The following PTPN21 variants were observed in gnomAD, a reference collection of about 807,000 sequenced individuals.
PTPN21 encodes the protein tyrosine-protein phosphatase non-receptor type 21.
A neutral mutation model predicts 131.8 loss-of-function variants in PTPN21; 77 were observed. The ratio of observed to expected loss-of-function variants is 0.58; its 90% CI spans 0.49 to 0.71. The LOEUF is 0.71. PTPN21 is among the 30% of genes least tolerant of loss of function. The pLI, the probability that PTPN21 is intolerant of heterozygous loss-of-function variation, is 0.00. For missense variants in PTPN21, 1,552 were observed against 1,527.1 expected, an observed-to-expected ratio of 1.02 and a Z score of -0.27; for synonymous variants, 715 against 621.3, an observed-to-expected ratio of 1.15 and a Z score of -2.24.
intron 2 of PTPN21, among the ~76,000 whole-genome samples, chr14:88,538,066 A>AT (rs2078654991): frequency 6.6e-6 from 1 of 152,230 alleles, no homozygotes; most frequent in Non-Finnish European, 1.5e-5. Flanking sequence ...ACCAACAAGA[A>AT]TGACAGGGAT....
At chr14:88,529,321 C>T (rs575478617) in intron 2 of PTPN21, among the ~76,000 whole-genome samples, 7 of 152,146 alleles carry the variant, frequency 4.6e-5, no homozygotes, top group Non-Finnish European at 1.0e-4. Context: ...ATGAAACCTA[C>T]TTGATCATGG....
chr14:88,547,297 GA>G (rs11299114), intron 2 of PTPN21, among the ~76,000 whole-genome samples: 136,326 of 139,492 alleles, frequency 0.98, 66,645 homozygotes, highest in South Asian at 1. Flanking sequence ...ACCATAATAG[GA>G]AAAAAAAAAA....
chr14:88,516,136 T>C (rs1649272578), intron 3 of PTPN21, among the ~76,000 whole-genome samples: 1 of 152,160 alleles, frequency 6.6e-6, no homozygotes, highest in Admixed American at 6.6e-5. Flanking sequence ...AGGAAAAAGA[T>C]ACACGGACAA....
At position 88,466,172 on chromosome 14, in the gene PTPN21, T is replaced by C. The variant is rs533840306; in HGVS notation, c.*1965A>G. On this transcript the variant is annotated 3_prime_UTR_variant, in exon 19 of 19. Transcript: ENST00000556564. ...TCTAAGGAGCTCGTTCTGAATATTT[T>C]CACTTAGTTCTACTGTTCTTTAAAC... 3.0e-4 allele frequency: 46 copies of C among 152,296 alleles called. No individual in the cohort carries two copies. The highest frequency in any genetic ancestry group is 1.1e-3 in the African/African-American group (46 of 41,558). The allele number at this position is 152,296 out of a possible 1,614,324, so 9.4% of individuals were successfully genotyped here.
chr14:88,487,789 T>C (rs1248087589), intron 10 of PTPN21, among the ~76,000 whole-genome samples: 1 of 151,944 alleles, frequency 6.6e-6, no homozygotes, highest in East Asian at 1.9e-4. Context: ...TGCACATTAA[T>C]ATATTCCTTA....
rs538080721 is a variant in PTPN21, at chr14:88,519,882, C to A, written c.181-2621G>T. On this transcript the variant is annotated intron_variant, in intron 2 of 18. Coordinates refer to ENST00000556564, the MANE Select transcript of PTPN21 (RefSeq NM_007039.4). ...TTGTATTCCAAGAGCTGTAGAGATA[C>A]CATAGATTAAATCACCATCACTAAT... Among the ~76,000 whole-genome samples, 11 of 152,246 alleles carry A rather than the reference C, an allele frequency of 7.2e-5. No homozygotes were observed. In the South Asian group the frequency reaches 2.1e-3, roughly 29 times the overall value.
chr14:88,484,312 C>T lies in PTPN21; in HGVS notation c.1078+764G>A, dbSNP rs148278998. 2.9e-3 allele frequency among the ~76,000 whole-genome samples: 439 copies of T among 151,796 alleles called. 1 individual carries two copies. The highest frequency in any genetic ancestry group is 6.8e-3 in the Middle Eastern group (2 of 294). ...TGGAAATACTCATCTGCATAAACCT[C>T]CTTAGCATTTGGTATAGCCCCATAC... is the stretch of plus-strand genomic sequence containing the variant. On this transcript the variant is annotated intron_variant, in intron 12 of 18. Transcript: ENST00000556564.
chr14:88,504,080 G>A lies in PTPN21; in HGVS notation c.587+345C>T, dbSNP rs187939422. On this transcript the variant is annotated intron_variant, in intron 6 of 18. Transcript: ENST00000556564. ...AGAAAACAAATCATCCTAATTTTAC[G>A]TTAACCTATACAGGTTTGTTTGAGG... Among the ~76,000 whole-genome samples the A allele has an allele frequency of 1.1e-3, 161 of 152,222 alleles. 1 individual carries two copies. In the East Asian group the frequency reaches 0.023, roughly 22 times the overall value.
At chr14:88,505,584 A>G (rs973518796) in intron 4 of PTPN21, among the ~76,000 whole-genome samples, 1 of 151,864 alleles carries the variant, frequency 6.6e-6, no homozygotes, top group Non-Finnish European at 1.5e-5. Flanking sequence ...CCTATGAATT[A>G]AATAAAAAAA....
intron 2 of PTPN21, among the ~76,000 whole-genome samples, chr14:88,542,816 G>C (rs1048761147): frequency 6.6e-6 from 1 of 152,144 alleles, no homozygotes. Flanking sequence ...ATCTAGGTGA[G>C]AGGCCAACCA....
Position 88,480,044 on chromosome 14 carries a change from C to A in PTPN21, c.1387G>T (p.Val463Leu), listed in dbSNP as rs201315606. ...TVMKQLNRGL[V>L]HAERQSHSLR... ...GAGTGGCTCTGCCGTTCCGCATGCA[C>A]CAGGCCCCTGTTGAGCTGCTTCATC... Residue 463 changes from valine (V) to leucine (L), a missense_variant, in exon 13 of 19, where the codon GTG becomes TTG. Around this residue, in one of 4 missense-constraint regions of PTPN21, gnomAD observed 1,016 missense variants for 883.5 expected, o/e 1.15. Transcript: ENST00000556564. The A allele has an allele frequency of 1.9e-6, 3 of 1,614,048 alleles. No homozygotes were observed. The South Asian group carries it at 3.3e-5, about 18-fold the overall frequency.
In PTPN21 at chr14:88,465,899, CAG is replaced by C. The variant is rs1426847833; in HGVS notation, c.*2236_*2237del. On this transcript the variant is annotated 3_prime_UTR_variant, in exon 19 of 19. Transcript: ENST00000556564. ...GCAACATTTTAAGAGTAATATTAAA[CAG>C]TAATTTTGCCCTCAGAAGTTTACTT... The C allele has an allele frequency of 6.6e-6, 1 of 151,866 alleles. No individual in the cohort carries two copies. Among genetic ancestry groups the C allele is most frequent in the Admixed American group, 6.5e-5 (1 of 15,270 alleles). 9.4% of individuals were successfully genotyped at this position (151,866 alleles called of 1,614,324 possible).
chr14:88,550,373 G>A lies in PTPN21; in HGVS notation c.45C>T (p.Tyr15=). The change falls in exon 2 of 19, where the codon TAC becomes TAT. Residue 15 remains tyrosine, a synonymous_variant. Transcript: ENST00000556564. ...CCAGGCAACTCTTGCTGGACACCGT[G>A]TAGCGCCGGGTGCGTTTCAGTTTCA... ...FGLKLKRTRR[Y]TVSSKSCLVA... The A allele has an allele frequency of 6.2e-7, 1 of 1,614,194 alleles. No individual in the cohort carries two copies.
Position 88,480,289 on chromosome 14 carries a change from G to A in PTPN21, c.1142C>T (p.Ala381Val), listed in dbSNP as rs749460531. The change falls in exon 13 of 19, where the codon GCC becomes GTC. Residue 381 changes from alanine to valine, a missense_variant. By Grantham distance (64) the Ala-to-Val change is moderately conservative (BLOSUM62 0). Transcript: ENST00000556564. ...YCHSQTSLDR[A>V]QIDLNGRIRN... ...GATCCGACCGTTGAGGTCAATCTGG[G>A]CTCTATCCAAGCTTGTCTGAGAGTG... 1 of 1,614,062 alleles carries A rather than the reference G, an allele frequency of 6.2e-7. No homozygotes were observed. Among genetic ancestry groups the A allele is most frequent in the Admixed American group, 1.7e-5 (1 of 60,008 alleles).
At chr14:88,531,794 A>G (rs1358825925) in intron 2 of PTPN21, among the ~76,000 whole-genome samples, 4 of 152,138 alleles carry the variant, frequency 2.6e-5, no homozygotes, top group African/African-American at 9.6e-5. Context: ...AATGAAATTG[A>G]AACAAAACAA....
At chr14:88,502,591 A>T (rs1364896510) in intron 6 of PTPN21, among the ~76,000 whole-genome samples, 1 of 152,184 alleles carries the variant, frequency 6.6e-6, no homozygotes, top group Non-Finnish European at 1.5e-5. Flanking sequence ...AGCATCCAGC[A>T]CTCTTCCTCT....
At chr14:88,519,274 C>T (rs1380091167) in intron 2 of PTPN21, among the ~76,000 whole-genome samples, 2 of 152,194 alleles carry the variant, frequency 1.3e-5, no homozygotes, top group Non-Finnish European at 2.9e-5. Context: ...AAAATCACTG[C>T]TTTGTAGTTG....
At chr14:88,536,258 T>C (rs1411319196) in intron 2 of PTPN21, among the ~76,000 whole-genome samples, 1 of 152,230 alleles carries the variant, frequency 6.6e-6, no homozygotes, top group Non-Finnish European at 1.5e-5. Context: ...TGAACAAACA[T>C]ATCAGGATAG....
chr14:88,474,989 G>A (rs966864654), intron 13 of PTPN21, among the ~76,000 whole-genome samples: 3 of 152,156 alleles, frequency 2.0e-5, no homozygotes, highest in Non-Finnish European at 4.4e-5. Flanking sequence ...CTACTCGGGA[G>A]GCTGAGGCAG....
Sources: gnomAD v4.1 joint callset for allele counts (sites outside exome capture counted in the v4.1 genomes callset) on GRCh38, gnomAD v4.1.1 for gene constraint, gnomAD v4.1.1 regional missense constraint, MANE v1.5 for transcripts, NCBI Gene and HGNC (gene_info 2026-07-23, HGNC 2026-07-21) for gene names.